The following AMBRA1 variants were observed in gnomAD, a reference collection of about 807,000 sequenced individuals.
AMBRA1 encodes the protein activating molecule in BECN1-regulated autophagy protein 1.
In AMBRA1, 47 loss-of-function variants were observed where a neutral mutation model predicts 125.4. The observed-to-expected ratio is 0.37, with a 90% CI of 0.30 to 0.48. The LOEUF (loss-of-function observed/expected upper bound fraction) is 0.48, where lower values mean the gene tolerates loss of function less well. Among genes scored for constraint, AMBRA1 ranks in the 20% least tolerant of loss-of-function variants. The pLI, the probability that AMBRA1 is intolerant of heterozygous loss-of-function variation, is 0.99. For synonymous variants in AMBRA1, 626 were observed against 655.5 expected, an observed-to-expected ratio of 0.95 and a Z score of 0.69; for missense variants, 1,331 against 1,693.4, an observed-to-expected ratio of 0.79 and a Z score of 3.76.
chr11:46,530,713 G>C (rs1348126944), intron 7 of AMBRA1: 2 of 152,120 alleles, frequency 1.3e-5, no homozygotes, highest in Non-Finnish European at 2.9e-5. Context: ...TTCCTATAAA[G>C]CAGGAGCTGG....
At chr11:46,537,140 TTG>T (rs1952514486) in intron 7 of AMBRA1, among the ~76,000 whole-genome samples, 1 of 152,196 alleles carries the variant, frequency 6.6e-6, no homozygotes, top group South Asian at 2.1e-4. Flanking sequence ...CCTAGAAGCA[TTG>T]TGTTAGTTAC....
intron 9 of AMBRA1, among the ~76,000 whole-genome samples, chr11:46,497,766 T>C (rs1024719572): frequency 2.6e-5 from 4 of 152,286 alleles, no homozygotes; most frequent in Admixed American, 2.6e-4. Context: ...GTTTTAGTAC[T>C]GGTACACAGA....
At chr11:46,506,497 T>TA (rs35978491) in intron 9 of AMBRA1, among the ~76,000 whole-genome samples, 1 of 152,156 alleles carries the variant, frequency 6.6e-6, no homozygotes, top group Non-Finnish European at 1.5e-5. Flanking sequence ...TTAAACACAC[T>TA]AAAAAGCTTT....
At chr11:46,477,722 A>C (rs1410355537) in intron 11 of AMBRA1, among the ~76,000 whole-genome samples, 1 of 151,834 alleles carries the variant, frequency 6.6e-6, no homozygotes, top group Non-Finnish European at 1.5e-5. Flanking sequence ...TCAACAGCAG[A>C]GCCCCCAGCC....
At chr11:46,455,337 C>CT (rs2136810103) in intron 11 of AMBRA1, among the ~76,000 whole-genome samples, 2 of 152,304 alleles carry the variant, frequency 1.3e-5, no homozygotes, top group South Asian at 4.1e-4. Context: ...CTCTTTCCCT[C>CT]TCTCCCCAGT....
chr11:46,444,276 C>G (rs1472000), intron 11 of AMBRA1, among the ~76,000 whole-genome samples: 1 of 152,176 alleles, frequency 6.6e-6, no homozygotes, highest in African/African-American at 2.4e-5. Flanking sequence ...TACCTACCCC[C>G]TAAGAACCTC....
rs761423550 is a variant in AMBRA1, at chr11:46,433,530, T to C, written c.2920A>G (p.Met974Val). The C allele has an allele frequency of 5.2e-5, 84 of 1,614,042 alleles. No individual in the cohort carries two copies. In the East Asian group the frequency reaches 1.6e-3, roughly 30 times the overall value. The change falls in exon 14 of 18, where the codon ATG (methionine) becomes GTG (valine). Residue 974 changes from methionine to valine, a missense_variant. Transcript: ENST00000683756. Reference sequence around the variant, plus strand: ...TGCAGCCTGAAGACCTGGGCCACCATGTGCTCTGTGGAGGGGTGCAGCAGG... The same window carrying C: ...TGCAGCCTGAAGACCTGGGCCACCACGTGCTCTGTGGAGGGGTGCAGCAGG... ...RILLHPSTEH[M>V]VAQVFRLQQA...
chr11:46,470,914 G>A (rs1383872799), intron 11 of AMBRA1, among the ~76,000 whole-genome samples: 3 of 152,164 alleles, frequency 2.0e-5, no homozygotes, highest in African/African-American at 7.2e-5. Context: ...ACATTCTAGA[G>A]GGAGGAGGAG....
At chr11:46,495,449 C>G (rs888098498) in intron 9 of AMBRA1, 9 of 152,134 alleles carry the variant, frequency 5.9e-5, no homozygotes, top group African/African-American at 2.2e-4. Flanking sequence ...CAAATCAATA[C>G]CAGGGATATT....
intron 1 of AMBRA1, among the ~76,000 whole-genome samples, chr11:46,590,578 TA>T (rs2044561725): frequency 6.6e-6 from 1 of 152,190 alleles, no homozygotes; most frequent in Non-Finnish European, 1.5e-5. Context: ...TGTTCCAGCT[TA>T]AGTTCTAGAA....
At chr11:46,493,999 C>T in intron 10 of AMBRA1, 125 bp downstream of exon 10, 1 of 899,390 alleles carries the variant, frequency 1.1e-6, no homozygotes, top group Non-Finnish European at 1.7e-6. Flanking sequence ...GACAGCAGGG[C>T]TGGGCTATGG....
chr11:46,556,661 T>C (rs2043165149), intron 1 of AMBRA1, among the ~76,000 whole-genome samples: 1 of 152,126 alleles, frequency 6.6e-6, no homozygotes, highest in South Asian at 2.1e-4. Context: ...TGGTATATGA[T>C]GGTATCTTGA....
intron 11 of AMBRA1, among the ~76,000 whole-genome samples, chr11:46,448,209 C>T (rs1407471771): frequency 6.6e-6 from 1 of 152,078 alleles, no homozygotes; most frequent in Non-Finnish European, 1.5e-5. Context: ...TTCTGGGCCA[C>T]AAAACACAAT....
At chr11:46,585,784 T>C (rs2044375624) in intron 1 of AMBRA1, among the ~76,000 whole-genome samples, 1 of 132,408 alleles carries the variant, frequency 7.6e-6, no homozygotes, top group Non-Finnish European at 1.6e-5. Context: ...CATAAAGACT[T>C]TTATAATTGG....
chr11:46,514,306 G>A (rs1354647290), intron 7 of AMBRA1, among the ~76,000 whole-genome samples: 2 of 152,132 alleles, frequency 1.3e-5, no homozygotes, highest in African/African-American at 4.8e-5. Flanking sequence ...AAGAGACATA[G>A]CAAAGGCCCT....
chr11:46,545,957 A>G, intron 4 of AMBRA1, 181 bp from the exon 5 acceptor site: 1 of 594,830 alleles, frequency 1.7e-6, no homozygotes. Context: ...TATCAGATAA[A>G]TACTATACAA....
At chr11:46,446,354 C>A (rs1948284051) in intron 11 of AMBRA1, among the ~76,000 whole-genome samples, 1 of 152,244 alleles carries the variant, frequency 6.6e-6, no homozygotes, top group South Asian at 2.1e-4. Context: ...CAACCCCAAC[C>A]ATTTAGTAGG....
At chr11:46,547,083 A>C in intron 4 of AMBRA1, 30 bp downstream of exon 4, 4 of 1,563,760 alleles carry the variant, frequency 2.6e-6, no homozygotes, top group Non-Finnish European at 3.5e-6. Flanking sequence ...AGAACACCAA[A>C]AGAAAAGGGT....
At chr11:46,559,576 T>G (rs1472310001) in intron 1 of AMBRA1, among the ~76,000 whole-genome samples, 1 of 152,172 alleles carries the variant, frequency 6.6e-6, no homozygotes, top group African/African-American at 2.4e-5. Context: ...ATAGCAGAGA[T>G]GAGAATATGG....
Sources: gnomAD v4.1 joint callset for allele counts (sites outside exome capture counted in the v4.1 genomes callset) on GRCh38, gnomAD v4.1.1 for gene constraint, MANE v1.5 for transcripts, NCBI Gene and HGNC (gene_info 2026-07-23, HGNC 2026-07-21) for gene names.